The following ARHGAP32 variants were observed in gnomAD, a reference collection of about 807,000 sequenced individuals.
ARHGAP32 encodes the protein Rho GTPase activating protein 32, also known as rho GTPase-activating protein 32.
In ARHGAP32, 51 loss-of-function variants were observed where a neutral mutation model predicts 186.5. That is an observed-to-expected ratio of 0.27 (90% CI 0.22 to 0.35). ARHGAP32 has a LOEUF of 0.35. Ranked by LOEUF, ARHGAP32 falls within the 10% of genes least tolerant of loss-of-function variation. ARHGAP32 has a pLI of 1.00. For synonymous variants in ARHGAP32, 950 were observed against 964.3 expected (o/e 0.99, Z 0.27); for missense variants, 2,186 against 2,623.5 (o/e 0.83, Z 3.64).
At chr11:129,092,897 C>T (rs2135268693) in intron 6 of ARHGAP32, among the ~76,000 whole-genome samples, 1 of 152,024 alleles carries the variant, frequency 6.6e-6, no homozygotes. Context: ...GACTAATTCA[C>T]CAGTAGGCAA....
chr11:129,156,568 C>T lies in ARHGAP32; in HGVS notation c.225+7751G>A, dbSNP rs536879986. 3.3e-5 allele frequency among the ~76,000 whole-genome samples: 5 copies of T among 152,334 alleles called. No homozygotes were observed. The South Asian group carries it at 1.0e-3, about 32-fold the overall frequency. ...CAGGACATGTCTGTAAGAAAGGCAG[C>T]AGCCCCAGTCAGGGGCTTGTAGATG... On this transcript the variant is annotated intron_variant, in intron 2 of 22. Coordinates refer to ENST00000682385, the MANE Select transcript of ARHGAP32 (RefSeq NM_001378024.1).
Position 129,123,214 on chromosome 11 carries a change from A to T in ARHGAP32, c.444+232T>A, listed in dbSNP as rs1244814623. 1.3e-5 allele frequency among the ~76,000 whole-genome samples: 2 copies of T among 152,028 alleles called. No homozygotes were observed. The highest frequency in any genetic ancestry group is 4.8e-5 in the African/African-American group (2 of 41,416). On this transcript the variant is annotated intron_variant, in intron 5 of 22. Coordinates refer to ENST00000682385, the MANE Select transcript of ARHGAP32 (RefSeq NM_001378024.1). This position sits in a 1 kb window ranked among gnomAD's most constrained non-coding sequence, Gnocchi z 4.6. The stretch of plus-strand genomic sequence containing the variant: ...AGGAAAACGGAGGGGGACAGGACTG[A>T]TTTTCCTTAACTGATACATGTTAGT...
chr11:129,149,676 C>T (rs1430005149), intron 2 of ARHGAP32, among the ~76,000 whole-genome samples: 1 of 152,086 alleles, frequency 6.6e-6, no homozygotes, highest in Non-Finnish European at 1.5e-5. Flanking sequence ...AAACAGACTA[C>T]CAAAATGAGA....
intron 1 of ARHGAP32, among the ~76,000 whole-genome samples, chr11:129,208,270 T>C (rs992579630): frequency 2.0e-5 from 3 of 152,122 alleles, no homozygotes; most frequent in Non-Finnish European, 4.4e-5. Context: ...TCTCCAACTC[T>C]AGAGATCAAG....
In ARHGAP32 at chr11:129,259,878, T is replaced by C. The variant is rs938669778; in HGVS notation, c.-5+19268A>G. ...TTCCAATTAAGCTTTTTGTTTGTTT[T>C]GTTTTTTGTTTTTTTGTTTTTCTGG... On this transcript the variant is annotated intron_variant, in intron 1 of 6. Coordinates refer to the ARHGAP32 transcript ENST00000525234. 4.6e-5 allele frequency among the ~76,000 whole-genome samples: 7 copies of C among 152,338 alleles called. No homozygotes were observed. The South Asian group carries it at 8.3e-4, about 18-fold the overall frequency.
At chr11:129,096,000 A>T (rs914203213) in intron 5 of ARHGAP32, among the ~76,000 whole-genome samples, 2 of 152,250 alleles carry the variant, frequency 1.3e-5, no homozygotes, top group African/African-American at 4.8e-5. Flanking sequence ...ACCAGATCTT[A>T]TCAAATACAG....
intron 5 of ARHGAP32, among the ~76,000 whole-genome samples, chr11:129,108,480 T>G (rs1489846584): frequency 1.3e-5 from 2 of 151,972 alleles, no homozygotes; most frequent in African/African-American, 4.8e-5. Flanking sequence ...CCAAAATATA[T>G]AAAGCAAACA....
intron 12 of ARHGAP32, among the ~76,000 whole-genome samples, chr11:128,990,517 T>C (rs1200823980): frequency 6.6e-6 from 1 of 152,194 alleles, no homozygotes; most frequent in Non-Finnish European, 1.5e-5. Flanking sequence ...GAATACATTT[T>C]CAACTACATG....
At chr11:129,059,681 G>A (rs1350649178) in intron 10 of ARHGAP32, among the ~76,000 whole-genome samples, 4 of 151,822 alleles carry the variant, frequency 2.6e-5, no homozygotes, top group Non-Finnish European at 4.4e-5. Flanking sequence ...TGTATTTTTA[G>A]TAGAGATGGG....
intron 18 of ARHGAP32, among the ~76,000 whole-genome samples, chr11:128,980,101 G>GTGATGC (rs2136100006): frequency 6.6e-6 from 1 of 152,326 alleles, no homozygotes; most frequent in South Asian, 2.1e-4. Context: ...TTATCACCAG[G>GTGATGC]TGATGCTGAT....
intron 15 of ARHGAP32, among the ~76,000 whole-genome samples, chr11:128,985,153 G>T (rs1471904824): frequency 6.6e-6 from 1 of 152,062 alleles, no homozygotes; most frequent in Admixed American, 6.6e-5. Flanking sequence ...CGAGTAGCTG[G>T]GATTATAGGC....
intron 1 of ARHGAP32, among the ~76,000 whole-genome samples, chr11:129,265,349 T>C (rs1055247192): frequency 3.9e-5 from 6 of 152,226 alleles, no homozygotes; most frequent in Admixed American, 3.9e-4. Context: ...CAGATGGTAA[T>C]TCTCTGTTGG....
intron 1 of ARHGAP32, among the ~76,000 whole-genome samples, chr11:129,216,060 G>C (rs986454539): frequency 2.0e-5 from 3 of 152,064 alleles, no homozygotes; most frequent in African/African-American, 7.2e-5. Context: ...AAAAGGCAAG[G>C]AAAGAATTCT....
chr11:129,023,419 T>C (rs1938689277), intron 11 of ARHGAP32, among the ~76,000 whole-genome samples: 1 of 152,228 alleles, frequency 6.6e-6, no homozygotes, highest in African/African-American at 2.4e-5. Context: ...GCATTAGCAC[T>C]GCCCATTTCC....
At chr11:129,064,412 C>T (rs1010784599) in intron 8 of ARHGAP32, among the ~76,000 whole-genome samples, 6 of 152,088 alleles carry the variant, frequency 3.9e-5, no homozygotes, top group Admixed American at 1.3e-4. Flanking sequence ...AACAATATAA[C>T]TCTACATATG....
At chr11:129,270,563 C>G (rs1162039381) in intron 1 of ARHGAP32, among the ~76,000 whole-genome samples, 1 of 150,150 alleles carries the variant, frequency 6.7e-6, no homozygotes, top group Non-Finnish European at 1.5e-5. Context: ...CTATGGACTT[C>G]GGGTGATAAT....
At chr11:129,041,075 A>G in intron 10 of ARHGAP32, 66 bp from the exon 11 acceptor site, 2 of 1,065,308 alleles carry the variant, frequency 1.9e-6, no homozygotes, top group Middle Eastern at 2.0e-4. Context: ...AACACTGCCA[A>G]CTGAATTCCA....
At chr11:129,258,221 A>T (rs1227934381) in intron 1 of ARHGAP32, among the ~76,000 whole-genome samples, 2 of 152,188 alleles carry the variant, frequency 1.3e-5, no homozygotes, top group Non-Finnish European at 2.9e-5. Flanking sequence ...AACCAAATTC[A>T]ACCATCAGAG....
Position 129,262,273 on chromosome 11 carries a change from T to C in ARHGAP32, c.-5+16873A>G, listed in dbSNP as rs1945331209. ...TAAATGGCATAAAGGAAGCCCCTAATTTTTATTCCCCACAAAACCACTTCT... is the reference window on the plus strand; with the variant it reads ...TAAATGGCATAAAGGAAGCCCCTAACTTTTATTCCCCACAAAACCACTTCT... On this transcript the variant is annotated intron_variant, in intron 1 of 6. Transcript: ENST00000525234. 2.0e-5 allele frequency among the ~76,000 whole-genome samples: 3 copies of C among 152,308 alleles called. No individual in the cohort carries two copies. The South Asian group carries it at 6.2e-4, about 32-fold the overall frequency.
Sources: gnomAD v4.1 joint callset for allele counts (sites outside exome capture counted in the v4.1 genomes callset) on GRCh38, gnomAD v4.1.1 for gene constraint, Gnocchi (gnomAD v3.1) non-coding constraint, MANE v1.5 for transcripts, NCBI Gene and HGNC (gene_info 2026-07-23, HGNC 2026-07-21) for gene names.